The following WDR19 variants were observed in gnomAD, a reference collection of about 807,000 sequenced individuals.
WDR19 encodes the protein WD repeat domain 19, also known as WD repeat-containing protein 19.
Under a neutral mutation model 180.0 loss-of-function variants are expected in WDR19, and 121 were observed. The observed-to-expected ratio is 0.67, with a 90% CI of 0.58 to 0.78. The LOEUF (loss-of-function observed/expected upper bound fraction) is 0.78. WDR19 is among the 30% of genes least tolerant of loss of function. The pLI, the probability that WDR19 is intolerant of heterozygous loss-of-function variation, is 0.00. For synonymous variants in WDR19, 497 were observed against 540.7 expected (o/e 0.92, Z 1.12); for missense variants, 1,450 against 1,640.7 (o/e 0.88, Z 2.01).
chr4:39,240,040 G>A (rs1731752902), intron 20 of WDR19, among the ~76,000 whole-genome samples: 1 of 151,966 alleles, frequency 6.6e-6, no homozygotes, highest in African/African-American at 2.4e-5. Flanking sequence ...TGCAAGGCAT[G>A]GTGGCGCATG....
At chr4:39,217,884 T>C (rs752761673) in intron 13 of WDR19, 99 bp from the exon 14 acceptor site, 217 of 1,457,442 alleles carry the variant, frequency 1.5e-4, no homozygotes, top group Non-Finnish European at 1.4e-4. Context: ...CTTGGGAGCC[T>C]GAATGTTTAG....
chr4:39,252,638 T>G (rs1437518506), intron 24 of WDR19, among the ~76,000 whole-genome samples: 1 of 152,112 alleles, frequency 6.6e-6, no homozygotes, highest in East Asian at 1.9e-4. Context: ...TTAAATACTT[T>G]TAGAAAAGTA....
In WDR19 at chr4:39,244,333, A is replaced by G. The variant is rs1241843175; in HGVS notation, c.2507A>G (p.Lys836Arg). ...DIRRGVNQAL[K>R]HPSRVLKRDC... ...CGTCGAGGGGTTAACCAAGCCCTCA[A>G]GCATCCCAGCAGGGTCCTTAAAAGA... Residue 836 changes from lysine to arginine, a missense_variant, in exon 22 of 37, where the codon AAG becomes AGG. Lys to Arg is a conservative substitution (Grantham distance 26). Transcript: ENST00000399820. The G allele has an allele frequency of 1.9e-6, 3 of 1,614,022 alleles. No homozygotes were observed. The highest frequency in any genetic ancestry group is 2.5e-6 in the Non-Finnish European group (3 of 1,179,874).
chr4:39,220,139 T>C (rs1577911471), intron 14 of WDR19, among the ~76,000 whole-genome samples: 1 of 152,066 alleles, frequency 6.6e-6, no homozygotes, highest in African/African-American at 2.4e-5. Flanking sequence ...GAAGATCACT[T>C]GAGCCCCAGG....
At chr4:39,204,323 G>T (rs1490794605) in intron 7 of WDR19, among the ~76,000 whole-genome samples, 1 of 152,070 alleles carries the variant, frequency 6.6e-6, no homozygotes, top group Non-Finnish European at 1.5e-5. Context: ...GATCTCAGGT[G>T]ATCCACCTCC....
chr4:39,198,909 A>G (rs1727072697), intron 5 of WDR19, among the ~76,000 whole-genome samples: 1 of 151,814 alleles, frequency 6.6e-6, no homozygotes. Flanking sequence ...GAGGCGGAAG[A>G]ATTGCTTGAA....
At chr4:39,217,700 C>T (rs1304617577) in intron 13 of WDR19, among the ~76,000 whole-genome samples, 3 of 152,134 alleles carry the variant, frequency 2.0e-5, no homozygotes, top group African/African-American at 7.2e-5. Flanking sequence ...GTCAGGGCAT[C>T]TCTCACATCT....
intron 30 of WDR19, 116 bp downstream of exon 30, chr4:39,268,207 C>T: frequency 2.5e-6 from 2 of 787,606 alleles, no homozygotes; most frequent in Non-Finnish European, 3.9e-6. Context: ...TTGCTTTGAA[C>T]CCAAAAGACT....
At chr4:39,224,497 CA>C (rs1730030508) in intron 14 of WDR19, among the ~76,000 whole-genome samples, 3 of 152,260 alleles carry the variant, frequency 2.0e-5, no homozygotes, top group East Asian at 3.9e-4. Context: ...TCTCCTGCCT[CA>C]GCCTCCCAAG....
chr4:39,208,707 C>A (rs1417573522), intron 9 of WDR19, among the ~76,000 whole-genome samples: 3 of 152,138 alleles, frequency 2.0e-5, no homozygotes, highest in African/African-American at 7.2e-5. Context: ...CATACAAATG[C>A]TAACCAGAAG....
chr4:39,230,014 C>T (rs921461231), intron 17 of WDR19, among the ~76,000 whole-genome samples: 23 of 152,194 alleles, frequency 1.5e-4, no homozygotes, highest in African/African-American at 5.1e-4. Flanking sequence ...CCTAACTGCT[C>T]TGTCTGCCAA....
At chr4:39,284,941 C>CACG (rs545864389) in intron 36 of WDR19, among the ~76,000 whole-genome samples, 77 of 152,202 alleles carry the variant, frequency 5.1e-4, no homozygotes, top group Non-Finnish European at 8.5e-4. Context: ...CGCAGCTACT[C>CACG]AGGAGGCTGA....
intron 5 of WDR19, among the ~76,000 whole-genome samples, chr4:39,199,196 G>A (rs888151648): frequency 2.6e-5 from 4 of 152,046 alleles, no homozygotes; most frequent in Non-Finnish European, 5.9e-5. Context: ...ATCTTTGCAG[G>A]TTTGGTTATA....
At chr4:39,281,236 T>TATATATATAG (rs762298152) in intron 36 of WDR19, among the ~76,000 whole-genome samples, 2 of 104,044 alleles carry the variant, frequency 1.9e-5, no homozygotes, top group African/African-American at 1.0e-4. Context: ...TATATATATA[T>TATATATATAG]AGAGAGAGAG....
intron 31 of WDR19, among the ~76,000 whole-genome samples, chr4:39,271,471 A>C (rs2381372): frequency 0.46 from 69,806 of 152,006 alleles, 18,687 homozygotes; most frequent in East Asian, 0.62. Flanking sequence ...TGGGAGGACA[A>C]GGCAGGAGGA....
intron 34 of WDR19, among the ~76,000 whole-genome samples, chr4:39,277,573 C>T (rs1736023201): frequency 6.6e-6 from 1 of 152,148 alleles, no homozygotes; most frequent in Non-Finnish European, 1.5e-5. Context: ...TTAATTTAAG[C>T]TTTATTTTAA....
At chr4:39,221,978 C>A (rs1729750945) in intron 14 of WDR19, among the ~76,000 whole-genome samples, 1 of 152,136 alleles carries the variant, frequency 6.6e-6, no homozygotes, top group African/African-American at 2.4e-5. Context: ...CCTCTATCAA[C>A]ATTCATGTTC....
At chr4:39,270,135 C>G (rs750352031) in intron 31 of WDR19, 35 bp downstream of exon 31, 1 of 1,607,578 alleles carries the variant, frequency 6.2e-7, no homozygotes, top group Non-Finnish European at 8.5e-7. Context: ...ACATAACCTG[C>G]CAGGTGTTTG....
intron 36 of WDR19, among the ~76,000 whole-genome samples, chr4:39,279,757 A>G (rs967438724): frequency 1.4e-5 from 2 of 143,614 alleles, no homozygotes; most frequent in African/African-American, 2.6e-5. Context: ...GCTAGAGTAC[A>G]GTGGCATGAT....
Sources: allele counts gnomAD v4.1 joint callset (sites outside exome capture counted in the v4.1 genomes callset), GRCh38; gene constraint gnomAD v4.1.1; transcripts MANE v1.5; gene names NCBI Gene and HGNC (gene_info 2026-07-23, HGNC 2026-07-21).